SEL1L3: variants seen among roughly 807,000 people sequenced by gnomAD.
SEL1L3 encodes the protein protein sel-1 homolog 3.
In SEL1L3, 76 loss-of-function variants were observed where a neutral mutation model predicts 142.8. The observed-to-expected ratio is 0.53, with a 90% CI of 0.44 to 0.64. The LOEUF (loss-of-function observed/expected upper bound fraction) is 0.64. SEL1L3 is among the 30% of genes least tolerant of loss of function. SEL1L3 has a pLI of 0.00. For synonymous variants in SEL1L3, 504 were observed against 519.6 expected, an observed-to-expected ratio of 0.97 and a Z score of 0.41; for missense variants, 1,262 against 1,381.7, an observed-to-expected ratio of 0.91 and a Z score of 1.37.
intron 19 of SEL1L3, among the ~76,000 whole-genome samples, chr4:25,767,005 T>C (rs757160320): frequency 9.9e-5 from 15 of 152,122 alleles, no homozygotes; most frequent in Non-Finnish European, 1.8e-4. Context: ...AGAAGAAATG[T>C]TGGGGGCCAG....
intron 6 of SEL1L3, among the ~76,000 whole-genome samples, chr4:25,826,683 T>C (rs534538625): frequency 6.6e-6 from 1 of 152,182 alleles, no homozygotes; most frequent in South Asian, 2.1e-4. Context: ...TTGTTTTTTG[T>C]TTTGTTTTGT....
chr4:25,824,369 C>T (rs138348486), intron 6 of SEL1L3, among the ~76,000 whole-genome samples: 244 of 152,262 alleles, frequency 1.6e-3, no homozygotes, highest in African/African-American at 3.6e-3. Flanking sequence ...GGATGCTCAC[C>T]GCCTCACTGC....
the SEL1L3 span, among the ~76,000 whole-genome samples, chr4:25,714,500 T>TTCTCTTTCTTTC: frequency 5.5e-5 from 6 of 109,008 alleles, no homozygotes; most frequent in African/African-American, 1.4e-4. Flanking sequence ...CTTTCTTTCT[T>TTCTCTTTCTTTC]TTTCTTTCTT....
chr4:25,851,955 GAA>G (rs944720045), intron 1 of SEL1L3, among the ~76,000 whole-genome samples: 10 of 150,950 alleles, frequency 6.6e-5, no homozygotes, highest in Admixed American at 1.3e-4. Context: ...GGGAATAGGA[GAA>G]GAGCTGGTGA....
chr4:25,840,550 A>G (rs1267331584), intron 2 of SEL1L3, among the ~76,000 whole-genome samples: 1 of 152,234 alleles, frequency 6.6e-6, no homozygotes, highest in East Asian at 1.9e-4. Flanking sequence ...GGAGAAGAAG[A>G]AAACTGCCAT....
intron 1 of SEL1L3, among the ~76,000 whole-genome samples, chr4:25,853,812 C>A (rs982243196): frequency 5.3e-5 from 8 of 151,918 alleles, no homozygotes; most frequent in Non-Finnish European, 1.2e-4. Context: ...GCTGAGATCA[C>A]AGGCATGTGC....
Position 25,771,888 on chromosome 4 carries a change from G to A in SEL1L3, c.2670-4058C>T, listed in dbSNP as rs1378947. 4.8e-3 allele frequency among the ~76,000 whole-genome samples: 727 copies of A among 152,282 alleles called. 32 individuals carry two copies. In the East Asian group the frequency reaches 0.095, roughly 20 times the overall value. Reference sequence around the variant, plus strand: ...ATGACAACATTATCTTCTGTATTACGCTGATATAGCAAAAAGCCCTTTCCT... The same window carrying A: ...ATGACAACATTATCTTCTGTATTACACTGATATAGCAAAAAGCCCTTTCCT... On this transcript the variant is annotated intron_variant, in intron 17 of 23. Coordinates refer to ENST00000399878, the MANE Select transcript of SEL1L3 (RefSeq NM_015187.5).
chr4:25,782,422 A>C lies in SEL1L3; in HGVS notation c.2281-4T>G, dbSNP rs765339541. 27 of 1,609,418 alleles carry C rather than the reference A, an allele frequency of 1.7e-5. No individual in the cohort carries two copies. In the Admixed American group the frequency reaches 4.4e-4, roughly 26 times the overall value. ...CATTGACTGCCTGATGCAATCCCTG[A>C]ATTTTGGAACAAGAAAGAAATTAAC... On this transcript the variant is annotated splice_polypyrimidine_tract_variant and splice_region_variant and intron_variant, in intron 14 of 23. Transcript: ENST00000399878.
At chr4:25,825,698 C>CA in intron 6 of SEL1L3, among the ~76,000 whole-genome samples, 1 of 102,528 alleles carries the variant, frequency 9.8e-6, no homozygotes, top group Non-Finnish European at 1.8e-5. Flanking sequence ...TTTTTGGAGA[C>CA]AGAGTCTTGC....
At chr4:25,790,974 G>A (rs1401379625) in intron 11 of SEL1L3, among the ~76,000 whole-genome samples, 2 of 152,218 alleles carry the variant, frequency 1.3e-5, no homozygotes, top group Non-Finnish European at 2.9e-5. Context: ...TTAAAGGAAT[G>A]TATCACATCT....
chr4:25,804,726 A>G lies in SEL1L3; in HGVS notation c.1591T>C (p.Ser531Pro), dbSNP rs1321874878. ...TCAAATATCTTCCCACCGATTTCTG[A>G]TACAGATTCATTTTGGTTCCTTGGC... ...TVPRNQNESVSEIGGKIFEKA... is the reference protein window; with the variant it reads ...TVPRNQNESVPEIGGKIFEKA... Residue 531 changes from serine (S) to proline (P), a missense_variant, in exon 10 of 24, where the codon TCA becomes CCA. This residue lies in a region of SEL1L3 where 689 missense variants were observed against 692.8 expected (regional missense o/e 0.99). Coordinates refer to ENST00000399878, the MANE Select transcript of SEL1L3 (RefSeq NM_015187.5). 9 of 1,613,342 alleles carry G rather than the reference A, an allele frequency of 5.6e-6. No homozygotes were observed. The highest frequency in any genetic ancestry group is 5.0e-5 in the Admixed American group (3 of 60,002).
chr4:25,832,041 C>T (rs1011646757), intron 5 of SEL1L3, among the ~76,000 whole-genome samples: 1 of 152,176 alleles, frequency 6.6e-6, no homozygotes, highest in Non-Finnish European at 1.5e-5. Context: ...CATCATAATT[C>T]TCACATACAT....
intron 17 of SEL1L3, among the ~76,000 whole-genome samples, chr4:25,768,450 T>C (rs1314175361): frequency 6.6e-6 from 1 of 152,154 alleles, no homozygotes; most frequent in African/African-American, 2.4e-5. Flanking sequence ...TGGCAAAAGC[T>C]TGGGGGAATG....
chr4:25,829,067 G>C (rs1286898105), intron 6 of SEL1L3, among the ~76,000 whole-genome samples: 1 of 152,186 alleles, frequency 6.6e-6, no homozygotes, highest in East Asian at 1.9e-4. Context: ...CTGCCTCCTG[G>C]GTTCAAGCCA....
the SEL1L3 span, among the ~76,000 whole-genome samples, chr4:25,725,459 G>A: frequency 6.6e-6 from 1 of 152,012 alleles, no homozygotes; most frequent in East Asian, 1.9e-4. Flanking sequence ...GGAATTACAG[G>A]TACGTGTCAC....
At position 25,765,561 on chromosome 4, in the gene SEL1L3, G is replaced by C. The variant is rs4697616; in HGVS notation, c.2846-126C>G. 4.7e-6 allele frequency: 3 copies of C among 641,184 alleles called. No individual in the cohort carries two copies. In the African/African-American group the frequency reaches 5.5e-5, roughly 12 times the overall value. The allele number at this position is 641,184 out of a possible 1,614,324, so 39.7% of individuals were successfully genotyped here. On this transcript the variant is annotated intron_variant, in intron 19 of 23. Transcript: ENST00000399878. The stretch of plus-strand genomic sequence containing the variant: ...GTATCTGAATACAGAACATCTTTAT[G>C]TTTCCCTGATGTGTCAAGAGAGAAA...
intron 20 of SEL1L3, among the ~76,000 whole-genome samples, chr4:25,764,561 C>T (rs924336929): frequency 2.0e-5 from 3 of 152,110 alleles, no homozygotes; most frequent in Non-Finnish European, 2.9e-5. Flanking sequence ...AAAACTCTGT[C>T]GCTTAAGCAA....
At chr4:25,806,939 G>A (rs772356412) in intron 9 of SEL1L3, among the ~76,000 whole-genome samples, 16 of 151,354 alleles carry the variant, frequency 1.1e-4, no homozygotes, top group Non-Finnish European at 2.4e-4. Context: ...CTTTAATAAC[G>A]AAGATTAAAA....
chr4:25,744,366 T>TTTTTTTTTTTTTTTG (rs1717199952), downstream of SEL1L3, among the ~76,000 whole-genome samples: 1 of 146,144 alleles, frequency 6.8e-6, no homozygotes, highest in Non-Finnish European at 1.5e-5. Flanking sequence ...TTTTTTTTTT[T>TTTTTTTTTTTTTTTG]GAGACGGAGC....
Sources: allele counts gnomAD v4.1 joint callset (sites outside exome capture counted in the v4.1 genomes callset), GRCh38; gene constraint gnomAD v4.1.1; regional missense constraint gnomAD v4.1.1; transcripts MANE v1.5; gene names NCBI Gene and HGNC (gene_info 2026-07-23, HGNC 2026-07-21).